FOXP1: variants seen among roughly 807,000 people sequenced by gnomAD.
FOXP1 encodes the protein forkhead box protein P1.
Under a neutral mutation model 98.2 loss-of-function variants are expected in FOXP1, and 15 were observed. The ratio of observed to expected loss-of-function variants is 0.15; its 90% CI spans 0.10 to 0.24. The LOEUF (loss-of-function observed/expected upper bound fraction) is 0.24. Ranked by LOEUF, FOXP1 falls within the 10% of genes least tolerant of loss-of-function variation. The pLI, the probability that FOXP1 is intolerant of heterozygous loss-of-function variation, is 1.00. For missense variants in FOXP1, 633 were observed against 848.5 expected, an observed-to-expected ratio of 0.75 and a Z score of 3.15; for synonymous variants, 371 against 314.5, an observed-to-expected ratio of 1.18 and a Z score of -1.90.
intron 3 of FOXP1, among the ~76,000 whole-genome samples, chr3:71,439,739 T>G (rs1208432058): frequency 1.3e-5 from 2 of 151,862 alleles, no homozygotes; most frequent in Admixed American, 6.6e-5. Context: ...AGGTCAGGAG[T>G]TTGAGACCAG....
intron 5 of FOXP1, among the ~76,000 whole-genome samples, chr3:71,220,064 A>C (rs922547375): frequency 1.5e-4 from 23 of 152,222 alleles, no homozygotes; most frequent in Admixed American, 5.9e-4. Context: ...GACCACCTCC[A>C]CCACCAGATC....
intron 6 of FOXP1, among the ~76,000 whole-genome samples, chr3:71,151,803 C>T (rs1307678486): frequency 6.6e-6 from 1 of 152,010 alleles, no homozygotes; most frequent in Non-Finnish European, 1.5e-5. Flanking sequence ...TACCTTTTCC[C>T]ACTGCCCTAT....
intron 11 of FOXP1, among the ~76,000 whole-genome samples, chr3:71,023,035 TC>T (rs538696398): frequency 1.7e-3 from 252 of 152,064 alleles, no homozygotes; most frequent in Non-Finnish European, 2.9e-3. Context: ...GCACTATGCA[TC>T]CCCTTTCCCA....
chr3:70,985,506 T>C (rs2039587280), intron 14 of FOXP1, among the ~76,000 whole-genome samples: 1 of 152,194 alleles, frequency 6.6e-6, no homozygotes, highest in Non-Finnish European at 1.5e-5. Flanking sequence ...TATAAGATGG[T>C]ATCTTTAATA....
rs146510037 is a variant in FOXP1, at chr3:71,112,793, T to C, written c.181-156A>G. Among the ~76,000 whole-genome samples the C allele has an allele frequency of 5.8e-4, 89 of 152,300 alleles. No homozygotes were observed. In the East Asian group the frequency reaches 0.014, roughly 23 times the overall value. The stretch of plus-strand genomic sequence containing the variant: ...AAATGAAACTTCCCACCAGTCTTAG[T>C]TGGAAAACTTTCCAGAATTTGTTTA... On this transcript the variant is annotated intron_variant, in intron 6 of 20. Transcript: ENST00000649528.
At chr3:71,158,082 A>AGG (rs879743904) in intron 6 of FOXP1, among the ~76,000 whole-genome samples, 48,000 of 94,728 alleles carry the variant, frequency 0.51, 14,647 homozygotes, top group Middle Eastern at 0.66. Context: ...GGTAAGACGA[A>AGG]AGAAGGAAGG....
At chr3:71,326,331 T>C (rs1170106330) in intron 4 of FOXP1, among the ~76,000 whole-genome samples, 1 of 152,138 alleles carries the variant, frequency 6.6e-6, no homozygotes, top group African/African-American at 2.4e-5. Flanking sequence ...GGGGACTCAA[T>C]GGGCAAGAAA....
intron 7 of FOXP1, among the ~76,000 whole-genome samples, chr3:71,092,641 T>G (rs1232543340): frequency 6.6e-6 from 1 of 152,144 alleles, no homozygotes; most frequent in African/African-American, 2.4e-5. Flanking sequence ...TATTTCCATC[T>G]TAAGCCTGCA....
intron 1 of FOXP1, chr3:71,582,095 C>T (rs533578624): frequency 3.1e-6 from 3 of 976,994 alleles, no homozygotes; most frequent in East Asian, 2.3e-4. Context: ...CTGCAGGCAG[C>T]GATTTCGAAG....
intron 2 of FOXP1, among the ~76,000 whole-genome samples, chr3:71,562,238 T>C (rs1407270863): frequency 2.0e-5 from 3 of 152,234 alleles, no homozygotes; most frequent in Admixed American, 6.5e-5. Flanking sequence ...CAGTAGTGCC[T>C]ATGATTTATT....
At chr3:71,163,647 T>A (rs2166780) in intron 6 of FOXP1, among the ~76,000 whole-genome samples, 48,629 of 152,008 alleles carry the variant, frequency 0.32, 8,422 homozygotes, top group East Asian at 0.67. Context: ...TTTTCTCACA[T>A]TTCAGAACAA....
At chr3:71,273,756 A>C (rs889614652) in intron 5 of FOXP1, among the ~76,000 whole-genome samples, 1 of 152,218 alleles carries the variant, frequency 6.6e-6, no homozygotes, top group African/African-American at 2.4e-5. Flanking sequence ...CAAAGTAATA[A>C]ATGACTTCAT....
intron 4 of FOXP1, among the ~76,000 whole-genome samples, chr3:71,348,067 AT>A (rs2077485529): frequency 6.6e-6 from 1 of 152,178 alleles, no homozygotes; most frequent in Admixed American, 6.5e-5. Context: ...ATGATAACAA[AT>A]AACATAGGAC....
chr3:71,272,462 T>G (rs771822328), intron 5 of FOXP1, among the ~76,000 whole-genome samples: 21 of 152,068 alleles, frequency 1.4e-4, no homozygotes, highest in Non-Finnish European at 2.1e-4. Flanking sequence ...GGTGGGGGAT[T>G]TCAGGAGGAC....
chr3:71,457,677 A>C (rs1433909538), intron 3 of FOXP1, among the ~76,000 whole-genome samples: 1 of 152,164 alleles, frequency 6.6e-6, no homozygotes, highest in Non-Finnish European at 1.5e-5. Flanking sequence ...GCAACTGAGA[A>C]CTCCTGTACA....
At chr3:71,399,403 T>TA (rs1171659578) in intron 3 of FOXP1, among the ~76,000 whole-genome samples, 1 of 152,142 alleles carries the variant, frequency 6.6e-6, no homozygotes, top group Non-Finnish European at 1.5e-5. Context: ...AAGTATAAAA[T>TA]ACCCTTTATT....
chr3:71,482,084 G>C (rs1266606771), intron 3 of FOXP1, among the ~76,000 whole-genome samples: 1 of 152,138 alleles, frequency 6.6e-6, no homozygotes, highest in African/African-American at 2.4e-5. Flanking sequence ...GATTTCTTCA[G>C]ACGCAATCAG....
chr3:71,082,669 C>T (rs2054583333), intron 7 of FOXP1, among the ~76,000 whole-genome samples: 1 of 148,400 alleles, frequency 6.7e-6, no homozygotes, highest in Admixed American at 6.7e-5. Flanking sequence ...AAAAAACAGA[C>T]AAAAATTGTA....
rs1477911821 is a variant in FOXP1 at position 71,507,555 on chromosome 3, T to C, written c.-297-14000A>G. Among the ~76,000 whole-genome samples, 3 of 151,920 alleles carry C rather than the reference T, an allele frequency of 2.0e-5. No homozygotes were observed. In the East Asian group the frequency reaches 5.8e-4, roughly 29 times the overall value. On this transcript the variant is annotated intron_variant, in intron 2 of 20. Coordinates refer to ENST00000649528, the MANE Select transcript of FOXP1 (RefSeq NM_001349338.3). ...CCAAATCATACCTGCTTACCAAATG[T>C]CTATTGAATGATATGTTGCAAAACT... is the stretch of plus-strand genomic sequence containing the variant.
Sources: allele counts gnomAD v4.1 joint callset (sites outside exome capture counted in the v4.1 genomes callset), GRCh38; gene constraint gnomAD v4.1.1; transcripts MANE v1.5; gene names NCBI Gene and HGNC (gene_info 2026-07-23, HGNC 2026-07-21).